Variants in SDK1 observed in about 807,000 individuals in gnomAD.
The protein encoded by SDK1 is protein sidekick-1.
SDK1 carries 157 observed loss-of-function variants against 245.5 expected under a neutral mutation model. That is an observed-to-expected ratio of 0.64 (90% confidence interval 0.56 to 0.73). SDK1 has a LOEUF of 0.73. Among genes scored for constraint, SDK1 ranks in the 30% least tolerant of loss-of-function variants. SDK1 has a pLI of 0.00. For missense variants in SDK1, 3,583 were observed against 3,002.3 expected (o/e 1.19, Z -4.52); for synonymous variants, 1,647 against 1,278.5 (o/e 1.29, Z -6.15).
intron 1 of SDK1, among the ~76,000 whole-genome samples, chr7:3,542,984 G>A (rs1779100324): frequency 6.6e-6 from 1 of 152,176 alleles, no homozygotes; most frequent in Admixed American, 6.5e-5. Flanking sequence ...GGTGCCAAGA[G>A]CCTCTTTGGG....
intron 1 of SDK1, among the ~76,000 whole-genome samples, chr7:3,495,147 C>A (rs1406996842): frequency 6.6e-6 from 1 of 151,576 alleles, no homozygotes. Context: ...TGTAACAGCG[C>A]TTTTCTTAGT....
At chr7:3,650,509 T>C (rs969055136) in intron 4 of SDK1, among the ~76,000 whole-genome samples, 1 of 152,202 alleles carries the variant, frequency 6.6e-6, no homozygotes, top group African/African-American at 2.4e-5. Context: ...TAATTGTAGG[T>C]TCACATACAG....
intron 35 of SDK1, among the ~76,000 whole-genome samples, chr7:4,193,092 GTA>G (rs895919504): frequency 8.1e-6 from 1 of 123,250 alleles, no homozygotes; most frequent in East Asian, 2.2e-4. Flanking sequence ...AAATACAAAT[GTA>G]TATATAATAT....
intron 4 of SDK1, among the ~76,000 whole-genome samples, chr7:3,761,782 G>C (rs1780112797): frequency 6.6e-6 from 1 of 152,092 alleles, no homozygotes; most frequent in African/African-American, 2.4e-5. Flanking sequence ...CAGGAACGCT[G>C]AGGTTAAATA....
At chr7:4,063,683 GA>G (rs1779691048) in intron 19 of SDK1, among the ~76,000 whole-genome samples, 1 of 150,440 alleles carries the variant, frequency 6.6e-6, no homozygotes, top group African/African-American at 2.4e-5. Flanking sequence ...CAAAAATAAC[GA>G]AACTGGAGGA....
chr7:3,522,002 G>T (rs1419626554), intron 1 of SDK1, among the ~76,000 whole-genome samples: 1 of 152,008 alleles, frequency 6.6e-6, no homozygotes, highest in Admixed American at 6.6e-5. Context: ...ACGATATGGG[G>T]TTTGGGCCAC....
chr7:3,691,230 A>G (rs1784430072), intron 4 of SDK1, among the ~76,000 whole-genome samples: 1 of 152,230 alleles, frequency 6.6e-6, no homozygotes, highest in African/African-American at 2.4e-5. Flanking sequence ...AGAAATAAAA[A>G]GGCTCCAATT....
chr7:3,351,819 G>C (rs1283997395), intron 1 of SDK1, among the ~76,000 whole-genome samples: 1 of 152,088 alleles, frequency 6.6e-6, no homozygotes, highest in Non-Finnish European at 1.5e-5. Context: ...TTTCTGAATA[G>C]TACAACTTGC....
At chr7:3,875,070 C>T (rs991181362) in intron 5 of SDK1, among the ~76,000 whole-genome samples, 1 of 152,174 alleles carries the variant, frequency 6.6e-6, no homozygotes, top group Admixed American at 6.5e-5. Context: ...TGGCCTTAGG[C>T]AGTTTATTCA....
intron 5 of SDK1, among the ~76,000 whole-genome samples, chr7:3,851,438 G>C (rs1482979496): frequency 6.6e-6 from 1 of 152,086 alleles, no homozygotes; most frequent in African/African-American, 2.4e-5. Flanking sequence ...TTTTCATAAA[G>C]ATAGAAGCGT....
At chr7:3,609,829 T>G (rs1781536538) in intron 1 of SDK1, among the ~76,000 whole-genome samples, 1 of 151,882 alleles carries the variant, frequency 6.6e-6, no homozygotes, top group Non-Finnish European at 1.5e-5. Flanking sequence ...GACTCACAGG[T>G]AGCTGGGACC....
intron 4 of SDK1, among the ~76,000 whole-genome samples, chr7:3,675,103 C>T (rs954454490): frequency 6.6e-6 from 1 of 152,208 alleles, no homozygotes; most frequent in Non-Finnish European, 1.5e-5. Context: ...GTGAATCTAA[C>T]AGATATCTCC....
intron 4 of SDK1, among the ~76,000 whole-genome samples, chr7:3,811,284 C>A (rs1360632569): frequency 6.6e-6 from 1 of 152,164 alleles, no homozygotes; most frequent in East Asian, 1.9e-4. Context: ...ACTTCTCTTG[C>A]CCCACCCAGG....
chr7:3,524,381 A>C (rs1210364405), intron 1 of SDK1, among the ~76,000 whole-genome samples: 3 of 152,138 alleles, frequency 2.0e-5, no homozygotes, highest in Non-Finnish European at 4.4e-5. Context: ...CGGGGAGATC[A>C]ATTAGGGGGC....
At chr7:3,670,691 A>T (rs1349823668) in intron 4 of SDK1, among the ~76,000 whole-genome samples, 1 of 152,242 alleles carries the variant, frequency 6.6e-6, no homozygotes, top group Non-Finnish European at 1.5e-5. Context: ...CTCCCCACTT[A>T]TACAGGATAC....
intron 1 of SDK1, among the ~76,000 whole-genome samples, chr7:3,429,302 T>C (rs966430169): frequency 3.3e-5 from 5 of 152,210 alleles, no homozygotes; most frequent in African/African-American, 1.2e-4. Flanking sequence ...TTATTTGTAA[T>C]GTAATTCTTA....
intron 1 of SDK1, among the ~76,000 whole-genome samples, chr7:3,529,599 AGGAGTAAT>A (rs1247998749): frequency 6.6e-6 from 1 of 152,084 alleles, no homozygotes; most frequent in East Asian, 1.9e-4. Flanking sequence ...TGAGGAAGGA[AGGAGTAAT>A]GGAGTGAAAA....
chr7:3,608,436 G>A (rs558346229), intron 1 of SDK1, among the ~76,000 whole-genome samples: 4 of 152,198 alleles, frequency 2.6e-5, no homozygotes, highest in Admixed American at 2.6e-4. Flanking sequence ...GGATTTTCTT[G>A]AAAATGAAGA....
Position 3,791,875 on chromosome 7 carries a change from G to C in SDK1, c.714-29575G>C, listed in dbSNP as rs540248120. ...ATGGTGGCTCATGCATGTAATCTCA[G>C]CGCTTAGGGAGGGTGAAGCGGGAGG... On this transcript the variant is annotated intron_variant, in intron 4 of 44. Transcript: ENST00000404826. Among the ~76,000 whole-genome samples, 38 of 152,224 alleles carry C rather than the reference G, an allele frequency of 2.5e-4. No homozygotes were observed. The South Asian group carries it at 5.8e-3, about 23-fold the overall frequency.
Sources: gnomAD v4.1 joint callset for allele counts (sites outside exome capture counted in the v4.1 genomes callset) on GRCh38, gnomAD v4.1.1 for gene constraint, MANE v1.5 for transcripts, NCBI Gene and HGNC (gene_info 2026-07-23, HGNC 2026-07-21) for gene names.